The following GSK3B variants were observed in gnomAD, a reference collection of about 807,000 sequenced individuals.
GSK3B encodes the protein glycogen synthase kinase 3 beta.
Under a neutral mutation model 56.4 loss-of-function variants are expected in GSK3B, and 15 were observed. The ratio of observed to expected loss-of-function variants is 0.27; its 90% CI spans 0.18 to 0.41. The LOEUF is 0.41. Ranked by LOEUF, GSK3B falls within the 10% of genes least tolerant of loss-of-function variation. GSK3B has a pLI of 1.00. For synonymous variants in GSK3B, 181 were observed against 188.9 expected (o/e 0.96, Z 0.34); for missense variants, 300 against 513.4 (o/e 0.58, Z 4.02).
intron 1 of GSK3B, among the ~76,000 whole-genome samples, chr3:120,055,408 T>C (rs1351034663): frequency 6.6e-6 from 1 of 152,180 alleles, no homozygotes; most frequent in Non-Finnish European, 1.5e-5. Flanking sequence ...TAATAGTATA[T>C]CAATATCACT....
chr3:120,026,552 CAA>C lies in GSK3B; in HGVS notation c.89-24315_89-24314del, dbSNP rs1491125622. Among the ~76,000 whole-genome samples, 191 of 134,950 alleles carry C rather than the reference CAA, an allele frequency of 1.4e-3. 1 individual carries two copies. The highest frequency in any genetic ancestry group is 0.011 in the Middle Eastern group (3 of 284). The allele number at this position is 134,950 out of a possible 152,430, so 88.5% of individuals were successfully genotyped here. On this transcript the variant is annotated intron_variant, in intron 1 of 10. Coordinates refer to ENST00000264235, the MANE Select transcript of GSK3B (RefSeq NM_001146156.2). ...ACACACACACACACACACACACACACAAACACACACACACTCTTTTTTTTTTT... is the reference window on the plus strand; with the variant it reads ...ACACACACACACACACACACACACACACACACACACACTCTTTTTTTTTTT...
intron 1 of GSK3B, among the ~76,000 whole-genome samples, chr3:120,087,036 T>C (rs111759277): frequency 0.026 from 3,943 of 152,236 alleles, 173 homozygotes; most frequent in African/African-American, 0.089. Context: ...ATATGTTAAA[T>C]AATAACAAGG....
chr3:119,845,077 T>C (rs1287232908), intron 9 of GSK3B, among the ~76,000 whole-genome samples: 1 of 152,204 alleles, frequency 6.6e-6, no homozygotes, highest in African/African-American at 2.4e-5. Context: ...ATTATCTCAA[T>C]AGATGTGGCG....
Position 120,032,742 on chromosome 3 carries a change from C to T in GSK3B, c.89-30503G>A, listed in dbSNP as rs185285605. Among the ~76,000 whole-genome samples the T allele has an allele frequency of 3.9e-4, 60 of 152,348 alleles. No individual in the cohort carries two copies. In the East Asian group the frequency reaches 7.9e-3, roughly 20 times the overall value. ...GCACTGATCTACACCATCCATTTGG[C>T]AGCATATATATTCTACTTTATAACA... On this transcript the variant is annotated intron_variant, in intron 1 of 10. Coordinates refer to ENST00000264235, the MANE Select transcript of GSK3B (RefSeq NM_001146156.2).
At chr3:119,862,671 T>TG (rs1334828381) in intron 9 of GSK3B, among the ~76,000 whole-genome samples, 1 of 140,036 alleles carries the variant, frequency 7.1e-6, no homozygotes, top group Admixed American at 6.8e-5. Context: ...TTTCTTGTTT[T>TG]TTTTTTTTTT....
At chr3:119,872,388 C>G (rs141552834) in intron 8 of GSK3B, among the ~76,000 whole-genome samples, 2,574 of 152,170 alleles carry the variant, frequency 0.017, 129 homozygotes, top group Admixed American at 0.11. Context: ...TTAATAATTA[C>G]ACTGGACAAG....
At chr3:119,858,019 G>A (rs1217305283) in intron 9 of GSK3B, among the ~76,000 whole-genome samples, 2 of 152,160 alleles carry the variant, frequency 1.3e-5, no homozygotes, top group African/African-American at 2.4e-5. Context: ...TCAACAGTGG[G>A]CTTCAAATAT....
At chr3:119,978,969 AAACAGACACCCTCG>A (rs1473294652) in intron 2 of GSK3B, among the ~76,000 whole-genome samples, 2 of 152,282 alleles carry the variant, frequency 1.3e-5, no homozygotes, top group East Asian at 3.9e-4. Flanking sequence ...CCTAGAACAA[AAACAGACACCCTCG>A]GCTTCTTCTC....
intron 1 of GSK3B, 47 bp from the exon 2 acceptor site, chr3:120,002,286 TA>T: frequency 8.6e-7 from 1 of 1,163,368 alleles, no homozygotes; most frequent in South Asian, 2.1e-5. Context: ...TGTAAGGAAT[TA>T]AATAGAGAAA....
At chr3:119,998,046 C>G (rs1408022001) in intron 2 of GSK3B, among the ~76,000 whole-genome samples, 1 of 150,132 alleles carries the variant, frequency 6.7e-6, no homozygotes, top group Non-Finnish European at 1.5e-5. Flanking sequence ...TATACCAAAG[C>G]CCAAATCAAC....
At chr3:119,917,253 T>A (rs1038594029) in intron 4 of GSK3B, among the ~76,000 whole-genome samples, 10 of 152,234 alleles carry the variant, frequency 6.6e-5, no homozygotes, top group Non-Finnish European at 1.3e-4. Flanking sequence ...ACTTTCATTC[T>A]AAGAAGCATG....
intron 3 of GSK3B, among the ~76,000 whole-genome samples, chr3:119,942,865 A>G (rs1160134108): frequency 6.6e-6 from 1 of 151,824 alleles, no homozygotes; most frequent in Non-Finnish European, 1.5e-5. Context: ...ATTTTTCTCT[A>G]ATGGGAAGGT....
intron 3 of GSK3B, among the ~76,000 whole-genome samples, chr3:119,942,197 TTTTAAATGAAAAG>T (rs1481625487): frequency 1.2e-4 from 18 of 152,230 alleles, no homozygotes; most frequent in Non-Finnish European, 2.1e-4. Context: ...GGAAAAAAAC[TTTTAAATGAAAAG>T]TTACTTAGAG....
At chr3:119,840,991 C>T (rs2055763437) in intron 10 of GSK3B, among the ~76,000 whole-genome samples, 2 of 152,332 alleles carry the variant, frequency 1.3e-5, no homozygotes, top group South Asian at 4.1e-4. Flanking sequence ...TTTACTTTAG[C>T]TCAGACCAAT....
At chr3:119,963,223 T>C (rs2057289308) in intron 2 of GSK3B, among the ~76,000 whole-genome samples, 1 of 152,212 alleles carries the variant, frequency 6.6e-6, no homozygotes, top group Non-Finnish European at 1.5e-5. Flanking sequence ...AAAAACATCC[T>C]GTGTTCATGG....
intron 3 of GSK3B, among the ~76,000 whole-genome samples, chr3:119,932,504 G>GTT (rs199622255): frequency 2.3e-4 from 32 of 139,492 alleles, no homozygotes; most frequent in Non-Finnish European, 3.6e-4. Flanking sequence ...TTACCAAAGG[G>GTT]TTTTTTTTTT....
At chr3:119,982,101 T>C (rs1030291877) in intron 2 of GSK3B, among the ~76,000 whole-genome samples, 26 of 151,998 alleles carry the variant, frequency 1.7e-4, no homozygotes, top group African/African-American at 5.8e-4. Flanking sequence ...TCCAGCAAAC[T>C]CCAACAGACC....
chr3:120,030,421 T>C (rs1304220814), intron 1 of GSK3B, among the ~76,000 whole-genome samples: 2 of 152,212 alleles, frequency 1.3e-5, no homozygotes, highest in Non-Finnish European at 2.9e-5. Flanking sequence ...CACTTTGGAG[T>C]TACACTTGTG....
chr3:120,070,814 T>G lies in GSK3B; in HGVS notation c.88+22533A>C, dbSNP rs2058320871. The stretch of plus-strand genomic sequence containing the variant: ...AAGTCTAATAGACAGCAGTTCATTA[T>G]AACCACACAGTGCCAACGTAGTTCA... On this transcript the variant is annotated intron_variant, in intron 1 of 10. Coordinates refer to ENST00000264235, the MANE Select transcript of GSK3B (RefSeq NM_001146156.2). 2.0e-5 allele frequency among the ~76,000 whole-genome samples: 3 copies of G among 152,226 alleles called. No homozygotes were observed. The South Asian group carries it at 6.2e-4, about 31-fold the overall frequency.
Sources: allele counts gnomAD v4.1 joint callset (sites outside exome capture counted in the v4.1 genomes callset), GRCh38; gene constraint gnomAD v4.1.1; transcripts MANE v1.5; gene names NCBI Gene and HGNC (gene_info 2026-07-23, HGNC 2026-07-21).